Variants in GREB1 observed in about 807,000 individuals in gnomAD.
The protein encoded by GREB1 is growth regulating estrogen receptor binding 1, also known as protein GREB1.
GREB1 carries 106 observed loss-of-function variants against 200.7 expected under a neutral mutation model. The observed-to-expected ratio is 0.53, with a 90% CI of 0.45 to 0.62. The LOEUF is 0.62. GREB1 is among the 20% of genes least tolerant of loss of function. The pLI is 0.00. For missense variants in GREB1, 2,243 were observed against 2,556.8 expected (o/e 0.88, Z 2.65); for synonymous variants, 1,132 against 1,092.4 (o/e 1.04, Z -0.72).
intron 3 of GREB1, among the ~76,000 whole-genome samples, chr2:11,565,347 C>T (rs1489048720): frequency 2.0e-5 from 3 of 152,220 alleles, no homozygotes; most frequent in African/African-American, 4.8e-5. Context: ...CTTTCTCCTG[C>T]CCCCGCCCAG....
Position 11,593,150 on chromosome 2 carries a change from C to A in GREB1, c.1696+24C>A, listed in dbSNP as rs111758720. The A allele has an allele frequency of 0.013, 18,928 of 1,481,064 alleles. 1,203 individuals are homozygous for A. In the African/African-American group the frequency reaches 0.17, roughly 13 times the overall value. 91.7% of individuals were successfully genotyped at this position (1,481,064 alleles called of 1,614,324 possible). On this transcript the variant is annotated intron_variant, in intron 11 of 32. Transcript: ENST00000381486. ...CGGTGAGCTCTGGGCCGCGCGGCTGCGGGAAAGCCCCCTGAACGGTGTTCC... is the reference window on the plus strand; with the variant it reads ...CGGTGAGCTCTGGGCCGCGCGGCTGAGGGAAAGCCCCCTGAACGGTGTTCC...
chr2:11,521,712 T>C (rs1673710803), intron 1 of GREB1, among the ~76,000 whole-genome samples: 1 of 152,210 alleles, frequency 6.6e-6, no homozygotes, highest in Non-Finnish European at 1.5e-5. Flanking sequence ...CAAAATAAAT[T>C]TTAACGTGTA....
chr2:11,564,007 G>A (rs1677360163), intron 3 of GREB1, among the ~76,000 whole-genome samples: 1 of 152,174 alleles, frequency 6.6e-6, no homozygotes, highest in Non-Finnish European at 1.5e-5. Context: ...TTTGGGTTTT[G>A]GAGGATTAGT....
intron 1 of GREB1, among the ~76,000 whole-genome samples, chr2:11,550,298 T>A (rs1675685493): frequency 6.6e-6 from 1 of 152,176 alleles, no homozygotes. Flanking sequence ...TGGATATGGA[T>A]CTGTTATACT....
At chr2:11,606,107 T>C (rs1682263842) in intron 17 of GREB1, among the ~76,000 whole-genome samples, 1 of 152,230 alleles carries the variant, frequency 6.6e-6, no homozygotes, top group Non-Finnish European at 1.5e-5. Flanking sequence ...CCAAAATCCA[T>C]GCATACTCCA....
Position 11,540,360 on chromosome 2 carries a change from A to G in GREB1, c.-162+6106A>G, listed in dbSNP as rs977093434. 2.6e-5 allele frequency among the ~76,000 whole-genome samples: 4 copies of G among 152,204 alleles called. No homozygotes were observed. The South Asian group carries it at 8.3e-4, about 31-fold the overall frequency. On this transcript the variant is annotated intron_variant, in intron 1 of 32. Transcript: ENST00000381486. The stretch of plus-strand genomic sequence containing the variant: ...TTGTGTTCTTATGAATGATAGGCTA[A>G]GGAGATTCAAAACACTGCTTGGGCC...
At chr2:11,613,650 A>G (rs1199289407) in intron 19 of GREB1, among the ~76,000 whole-genome samples, 2 of 152,170 alleles carry the variant, frequency 1.3e-5, no homozygotes, top group Admixed American at 6.5e-5. Flanking sequence ...GCTATTTCAC[A>G]TGGATTAATT....
In GREB1 at chr2:11,578,277, T is replaced by C. The variant is rs1302972515; in HGVS notation, c.638-20T>C. The C allele has an allele frequency of 6.2e-7, 1 of 1,606,356 alleles. No individual in the cohort carries two copies. Among genetic ancestry groups the C allele is most frequent in the African/African-American group, 1.3e-5 (1 of 74,798 alleles). ...GGAGAAGAGCGAGTTGGTTTTCACG[T>C]GTGCACCTTGCCCCCTTAGAGTTTA... is the stretch of plus-strand genomic sequence containing the variant. On this transcript the variant is annotated intron_variant, in intron 5 of 32. Coordinates refer to ENST00000381486, the MANE Select transcript of GREB1 (RefSeq NM_014668.4).
At chr2:11,556,393 C>G (rs1355745378) in intron 1 of GREB1, 61 bp from the exon 2 acceptor site, 8 of 422,570 alleles carry the variant, frequency 1.9e-5, no homozygotes, top group Middle Eastern at 5.9e-4. Flanking sequence ...GTGTCAGGCT[C>G]TGCTGAGTGC....
At chr2:11,579,771 C>T (rs146851118) in intron 6 of GREB1, among the ~76,000 whole-genome samples, 227 of 152,288 alleles carry the variant, frequency 1.5e-3, no homozygotes, top group African/African-American at 5.1e-3. Flanking sequence ...TAAGCAGTTC[C>T]GTCAGCCCCA....
chr2:11,626,271 TC>T (rs1243604967), intron 24 of GREB1, among the ~76,000 whole-genome samples: 1 of 151,956 alleles, frequency 6.6e-6, no homozygotes, highest in Non-Finnish European at 1.5e-5. Context: ...AGTGTTAAAA[TC>T]TTAATCGGCG....
chr2:11,538,776 CCGTCT>C (rs1674461653), intron 1 of GREB1, among the ~76,000 whole-genome samples: 3 of 24,384 alleles, frequency 1.2e-4, no homozygotes, highest in South Asian at 5.6e-3. Flanking sequence ...TCCTTCCTTC[CCGTCT>C]TCCTTCCTTC....
intron 1 of GREB1, among the ~76,000 whole-genome samples, chr2:11,507,594 A>G (rs567658296): frequency 1.3e-5 from 2 of 152,358 alleles, no homozygotes; most frequent in East Asian, 3.9e-4. Flanking sequence ...GACCTTGCCC[A>G]GCCCTTGCAG....
Position 11,613,963 on chromosome 2 carries a change from C to T in GREB1, c.3123-1128C>T, listed in dbSNP as rs540763060. Among the ~76,000 whole-genome samples, 8 of 152,128 alleles carry T rather than the reference C, an allele frequency of 5.3e-5. No homozygotes were observed. The South Asian group carries it at 6.2e-4, about 12-fold the overall frequency. On this transcript the variant is annotated intron_variant, in intron 19 of 32. Transcript: ENST00000381486. The stretch of plus-strand genomic sequence containing the variant: ...TGTTTCTGCTGCGCAAGTCTGAGCA[C>T]GGGGTTGGCCTTTCCTCTGCTGCTC...
chr2:11,528,764 C>CT lies in GREB1; in HGVS notation c.-158-27685dup, dbSNP rs200378961. On this transcript the variant is annotated intron_variant, in intron 1 of 2. Transcript: ENST00000628795. The stretch of plus-strand genomic sequence containing the variant: ...ATAATGTATGTTTGTGAAATTTTTC[C>CT]TTTTTTTTGCTACCTATAGATGTTT... 6.0e-3 allele frequency among the ~76,000 whole-genome samples: 918 copies of CT among 151,888 alleles called. 6 individuals carry two copies. The highest frequency in any genetic ancestry group is 0.031 in the Middle Eastern group (9 of 294).
intron 1 of GREB1, among the ~76,000 whole-genome samples, chr2:11,486,086 G>A (rs1672648727): frequency 6.6e-6 from 1 of 152,184 alleles, no homozygotes. Context: ...GACTTGGAAA[G>A]GAAGCAGTTA....
chr2:11,638,901 T>C, intron 32 of GREB1, 92 bp downstream of exon 32: 1 of 1,324,778 alleles, frequency 7.5e-7, no homozygotes, highest in East Asian at 2.3e-5. Flanking sequence ...TAGTCCTTAT[T>C]TGCCCATGGG....
At chr2:11,617,891 T>A (rs1284446204) in intron 21 of GREB1, among the ~76,000 whole-genome samples, 2 of 152,046 alleles carry the variant, frequency 1.3e-5, no homozygotes, top group Non-Finnish European at 2.9e-5. Context: ...TGCACAGCAG[T>A]GAGCTGGTGG....
At chr2:11,489,861 A>T (rs192408251) in intron 1 of GREB1, among the ~76,000 whole-genome samples, 5 of 152,172 alleles carry the variant, frequency 3.3e-5, no homozygotes, top group Admixed American at 3.3e-4. Context: ...GAACAGGCTC[A>T]GAAGTGGCTT....
Sources: allele counts gnomAD v4.1 joint callset (sites outside exome capture counted in the v4.1 genomes callset), GRCh38; gene constraint gnomAD v4.1.1; transcripts MANE v1.5; gene names NCBI Gene and HGNC (gene_info 2026-07-23, HGNC 2026-07-21).